The following ZFAT variants were observed in gnomAD, a reference collection of about 807,000 sequenced individuals.
ZFAT encodes the protein zinc finger protein ZFAT.
ZFAT carries 64 observed loss-of-function variants against 117.7 expected under a neutral mutation model. That is an observed-to-expected ratio of 0.54 (90% CI 0.44 to 0.67). The LOEUF (loss-of-function observed/expected upper bound fraction) is 0.67, where lower values mean the gene tolerates loss of function less well. Among genes scored for constraint, ZFAT ranks in the 30% least tolerant of loss-of-function variants. The pLI, the probability that ZFAT is intolerant of heterozygous loss-of-function variation, is 0.00. For missense variants in ZFAT, 1,433 were observed against 1,584.5 expected, an observed-to-expected ratio of 0.90 and a Z score of 1.62; for synonymous variants, 679 against 615.0, an observed-to-expected ratio of 1.10 and a Z score of -1.54.
intron 1 of ZFAT, among the ~76,000 whole-genome samples, chr8:134,702,064 G>A (rs1006608382): frequency 2.0e-5 from 3 of 152,220 alleles, no homozygotes; most frequent in East Asian, 1.9e-4. Flanking sequence ...TAGCAAACTC[G>A]GCCCCTTGCC....
At chr8:134,543,164 G>T (rs566575467) in intron 11 of ZFAT, among the ~76,000 whole-genome samples, 13 of 149,006 alleles carry the variant, frequency 8.7e-5, no homozygotes, top group African/African-American at 3.3e-4. Flanking sequence ...CAGATGACCT[G>T]CCCACACCTC....
the ZFAT span, among the ~76,000 whole-genome samples, chr8:134,820,621 C>G: frequency 6.6e-6 from 1 of 152,206 alleles, no homozygotes; most frequent in Non-Finnish European, 1.5e-5. Context: ...GACAGAGGGT[C>G]AAGGGCCACT....
intron 10 of ZFAT, among the ~76,000 whole-genome samples, chr8:134,580,035 A>G (rs2130832593): frequency 6.6e-6 from 1 of 152,082 alleles, no homozygotes; most frequent in East Asian, 1.9e-4. Context: ...CTAAGGCAGA[A>G]CCAGGACAGG....
the ZFAT span, among the ~76,000 whole-genome samples, chr8:134,744,717 G>C: frequency 1.4e-5 from 2 of 146,008 alleles, no homozygotes; most frequent in Non-Finnish European, 3.0e-5. Flanking sequence ...TTCAGGAAGG[G>C]CCTACTCTCC....
At chr8:134,673,057 G>A (rs1364186985) in intron 1 of ZFAT, 1 of 152,188 alleles carries the variant, frequency 6.6e-6, no homozygotes. Flanking sequence ...GGTTCTCAAT[G>A]TATGTAGAAG....
At chr8:134,737,293 A>C in the ZFAT span, among the ~76,000 whole-genome samples, 1 of 122,466 alleles carries the variant, frequency 8.2e-6, no homozygotes, top group Non-Finnish European at 1.8e-5. Context: ...AAAAAATGAA[A>C]ATAAAAATAA....
intron 1 of ZFAT, among the ~76,000 whole-genome samples, chr8:134,691,349 G>C (rs1833573703): frequency 3.3e-5 from 5 of 152,156 alleles, no homozygotes; most frequent in African/African-American, 4.8e-5. Flanking sequence ...CTCAGGCGGG[G>C]CTCAGGTGGT....
intron 3 of ZFAT, among the ~76,000 whole-genome samples, chr8:134,631,067 A>C (rs1162225085): frequency 6.6e-6 from 1 of 152,248 alleles, no homozygotes; most frequent in East Asian, 1.9e-4. Context: ...CGTGGCTGGA[A>C]AGGAAAAAAC....
At chr8:134,500,208 C>G (rs975413209) in intron 15 of ZFAT, among the ~76,000 whole-genome samples, 1 of 152,172 alleles carries the variant, frequency 6.6e-6, no homozygotes, top group Non-Finnish European at 1.5e-5. Context: ...CAATTAAAAC[C>G]GACCTGCCTT....
chr8:134,832,268 C>T, the ZFAT span, among the ~76,000 whole-genome samples: 1 of 151,822 alleles, frequency 6.6e-6, no homozygotes, highest in African/African-American at 2.4e-5. Context: ...TGCTCCCTCG[C>T]CTTTAGTTTG....
intron 3 of ZFAT, among the ~76,000 whole-genome samples, chr8:134,631,022 C>G (rs1179479734): frequency 6.6e-6 from 1 of 152,178 alleles, no homozygotes; most frequent in Non-Finnish European, 1.5e-5. Flanking sequence ...GGCAGCTGGG[C>G]ATAAGGTCAT....
intron 13 of ZFAT, among the ~76,000 whole-genome samples, chr8:134,518,062 C>T (rs1820376673): frequency 6.6e-6 from 1 of 152,120 alleles, no homozygotes; most frequent in South Asian, 2.1e-4. Flanking sequence ...TCTCATTTCT[C>T]CTTAAACTTT....
the ZFAT span, among the ~76,000 whole-genome samples, chr8:134,751,674 C>G: frequency 2.0e-5 from 3 of 152,102 alleles, no homozygotes; most frequent in African/African-American, 4.8e-5. Flanking sequence ...TCAAGTAGCA[C>G]CAGGTGGGGG....
At chr8:134,796,820 T>G in the ZFAT span, 1 of 152,210 alleles carries the variant, frequency 6.6e-6, no homozygotes, top group Admixed American at 6.5e-5. Context: ...TATGCAAGCA[T>G]GTATTAACTT....
At chr8:134,769,068 G>A in the ZFAT span, among the ~76,000 whole-genome samples, 1 of 152,078 alleles carries the variant, frequency 6.6e-6, no homozygotes, top group Non-Finnish European at 1.5e-5. Context: ...AGCTACTTAG[G>A]AGGCTGAGGC....
At chr8:134,633,903 G>A (rs778910372) in intron 3 of ZFAT, among the ~76,000 whole-genome samples, 9 of 152,044 alleles carry the variant, frequency 5.9e-5, no homozygotes, top group Admixed American at 5.2e-4. Context: ...AAAATTAGCC[G>A]GGCGTGGTGG....
intron 1 of ZFAT, among the ~76,000 whole-genome samples, chr8:134,703,477 G>A (rs1285619536): frequency 6.6e-6 from 1 of 152,172 alleles, no homozygotes; most frequent in East Asian, 1.9e-4. Flanking sequence ...TCATGCCTTG[G>A]CCATTGCACG....
In ZFAT at chr8:134,584,012, A is replaced by G; in HGVS notation, c.2714-7T>C. 1 of 1,551,864 alleles carries G rather than the reference A, an allele frequency of 6.4e-7. No individual in the cohort carries two copies. Among genetic ancestry groups the G allele is most frequent in the Non-Finnish European group, 8.7e-7 (1 of 1,147,070 alleles). On this transcript the variant is annotated splice_polypyrimidine_tract_variant and splice_region_variant and intron_variant, in intron 9 of 15. Transcript: ENST00000377838. ...CACTTGAAGGGCTTCACACCTGCCA[A>G]GGGAAAAATGTATATATCTCTATAT...
At chr8:134,715,017 A>C (rs1814194719), upstream of ZFAT, among the ~76,000 whole-genome samples, 1 of 152,212 alleles carries the variant, frequency 6.6e-6, no homozygotes, top group African/African-American at 2.4e-5. Context: ...TTCCTTTTAG[A>C]ACTATAAATA....
Sources: gnomAD v4.1 joint callset for allele counts (sites outside exome capture counted in the v4.1 genomes callset) on GRCh38, gnomAD v4.1.1 for gene constraint, MANE v1.5 for transcripts, NCBI Gene and HGNC (gene_info 2026-07-23, HGNC 2026-07-21) for gene names.